NUP210L: variants seen among roughly 807,000 people sequenced by gnomAD.
The protein encoded by NUP210L is nuclear pore membrane glycoprotein 210-like.
In NUP210L, 74 loss-of-function variants were observed where a neutral mutation model predicts 208.5. The ratio of observed to expected loss-of-function variants is 0.35; its 90% confidence interval spans 0.29 to 0.43. The LOEUF (loss-of-function observed/expected upper bound fraction) is 0.43. Among genes scored for constraint, NUP210L ranks in the 20% least tolerant of loss-of-function variants. The pLI is 1.00. For missense variants in NUP210L, 1,843 were observed against 2,289.4 expected (o/e 0.81, Z 3.98); for synonymous variants, 780 against 816.9 (o/e 0.95, Z 0.77).
At chr1:154,035,900 A>AT (rs1183945166) in intron 27 of NUP210L, among the ~76,000 whole-genome samples, 2 of 151,296 alleles carry the variant, frequency 1.3e-5, no homozygotes, top group African/African-American at 2.4e-5. Context: ...CGCCTGGCTA[A>AT]TTTTTTGTAT....
intron 2 of NUP210L, among the ~76,000 whole-genome samples, chr1:154,152,274 G>A (rs1024237113): frequency 2.0e-5 from 3 of 151,138 alleles, no homozygotes; most frequent in Non-Finnish European, 4.4e-5. Context: ...GGGTTCAAGC[G>A]ATTCTCCTGC....
chr1:154,085,913 TA>T, intron 16 of NUP210L, among the ~76,000 whole-genome samples: 1 of 151,668 alleles, frequency 6.6e-6, no homozygotes, highest in South Asian at 2.1e-4. Context: ...TACCAACATG[TA>T]AAAAAAATGA....
rs185666089 is a variant in NUP210L, at chr1:154,073,671, C to T, written c.2362-3206G>A. Reference sequence around the variant, plus strand: ...CTCTACTAAAAACACAAAAATTAGCCGGGCATGGTGGTGCATGCCTGTAGT... The same window carrying T: ...CTCTACTAAAAACACAAAAATTAGCTGGGCATGGTGGTGCATGCCTGTAGT... On this transcript the variant is annotated intron_variant, in intron 16 of 39. Transcript: ENST00000368559. Among the ~76,000 whole-genome samples the T allele has an allele frequency of 9.4e-4, 142 of 151,748 alleles. 1 individual carries two copies. The highest frequency in any genetic ancestry group is 3.2e-3 in the African/African-American group (134 of 41,356).
chr1:154,028,747 CT>C (rs1277129050), intron 28 of NUP210L, among the ~76,000 whole-genome samples: 11 of 151,078 alleles, frequency 7.3e-5, no homozygotes, highest in Non-Finnish European at 1.2e-4. Flanking sequence ...AGTTTCTTTT[CT>C]TTTTTTTTCC....
rs756244115 is a variant in NUP210L, at chr1:154,019,120, C to T, written c.4517-51G>A. The T allele has an allele frequency of 6.3e-6, 10 of 1,590,404 alleles. No homozygotes were observed. In the South Asian group the frequency reaches 1.1e-4, roughly 18 times the overall value. Reference sequence around the variant, plus strand: ...TGGCTGAAGCCTTTGATATAAATCACTCTGGACTTATTCATACTCCAAATC... The same window carrying T: ...TGGCTGAAGCCTTTGATATAAATCATTCTGGACTTATTCATACTCCAAATC... On this transcript the variant is annotated intron_variant, in intron 32 of 39. Transcript: ENST00000368559.
At chr1:154,153,846 A>G (rs1427345728) in intron 1 of NUP210L, among the ~76,000 whole-genome samples, 1 of 152,230 alleles carries the variant, frequency 6.6e-6, no homozygotes, top group African/African-American at 2.4e-5. Flanking sequence ...ACACTGGATC[A>G]TCTTACAAGC....
chr1:154,133,546 A>G (rs186626346), intron 7 of NUP210L, among the ~76,000 whole-genome samples: 268 of 151,998 alleles, frequency 1.8e-3, no homozygotes, highest in African/African-American at 6.2e-3. Flanking sequence ...CTAAAAAAAA[A>G]AAAAAAAATC....
chr1:153,999,935 C>T (rs181785359), intron 37 of NUP210L, among the ~76,000 whole-genome samples: 289 of 151,756 alleles, frequency 1.9e-3, no homozygotes, highest in African/African-American at 6.8e-3. Context: ...AGCAATCCTC[C>T]TGCCTCAGCC....
intron 9 of NUP210L, 52 bp from the exon 10 acceptor site, chr1:154,126,515 A>G (rs760732649): frequency 6.8e-7 from 1 of 1,480,732 alleles, no homozygotes; most frequent in Non-Finnish European, 9.1e-7. Context: ...TCTTTCCCTG[A>G]AGTCATCTTA....
In NUP210L at chr1:154,056,806, T is replaced by C. The variant is rs1425180863; in HGVS notation, c.3240+9A>G. 8 of 1,554,460 alleles carry C rather than the reference T, an allele frequency of 5.1e-6. No homozygotes were observed. Among genetic ancestry groups the C allele is most frequent in the Non-Finnish European group, 6.9e-6 (8 of 1,157,950 alleles). On this transcript the variant is annotated intron_variant, in intron 23 of 39. Coordinates refer to ENST00000368559, the Ensembl canonical transcript of NUP210L. ...AAAGTACAAATTTTGGATGAGATAA[T>C]TTCCTTACTTCAATGTGCCGAGGAG... is the stretch of plus-strand genomic sequence containing the variant.
At chr1:154,065,003 G>T (rs1654325253) in intron 17 of NUP210L, among the ~76,000 whole-genome samples, 1 of 151,870 alleles carries the variant, frequency 6.6e-6, no homozygotes, top group Non-Finnish European at 1.5e-5. Context: ...TTGAAACCGG[G>T]AGGTAGAGGT....
intron 37 of NUP210L, 65 bp downstream of exon 37, chr1:154,000,791 A>G: frequency 7.2e-7 from 1 of 1,379,660 alleles, no homozygotes; most frequent in Non-Finnish European, 1.0e-6. Context: ...GATGGGGGGT[A>G]CTAATGTAAT....
chr1:154,091,661 C>T (rs191989105), intron 15 of NUP210L, among the ~76,000 whole-genome samples: 252 of 151,462 alleles, frequency 1.7e-3, no homozygotes, highest in African/African-American at 4.6e-3. Context: ...CCACCACGTC[C>T]GGCTAATTTT....
intron 2 of NUP210L, among the ~76,000 whole-genome samples, chr1:154,149,087 C>CTTTT (rs770217261): frequency 0.011 from 1,261 of 119,346 alleles, 35 homozygotes; most frequent in African/African-American, 0.03. Context: ...GAAAACTTCT[C>CTTTT]TTTTTTTTTT....
At chr1:154,145,613 A>G (rs1659078381) in intron 2 of NUP210L, among the ~76,000 whole-genome samples, 1 of 152,236 alleles carries the variant, frequency 6.6e-6, no homozygotes, top group Non-Finnish European at 1.5e-5. Flanking sequence ...ACAGAATTGA[A>G]CAAATAAGTA....
chr1:154,038,707 T>TGAGCTCAA (rs546987108), intron 27 of NUP210L, among the ~76,000 whole-genome samples: 80 of 152,232 alleles, frequency 5.3e-4, no homozygotes, highest in African/African-American at 1.8e-3. Context: ...GCAATCCACC[T>TGAGCTCAA]GCCTCAACCT....
intron 10 of NUP210L, among the ~76,000 whole-genome samples, chr1:154,121,864 C>CA (rs1247137861): frequency 5.5e-4 from 71 of 128,110 alleles, no homozygotes; most frequent in Admixed American, 1.3e-3. Context: ...GACTCCATCT[C>CA]AAAAAAAAAA....
chr1:154,073,028 A>G (rs1233755820), intron 16 of NUP210L, among the ~76,000 whole-genome samples: 3 of 152,264 alleles, frequency 2.0e-5, no homozygotes, highest in Admixed American at 6.5e-5. Context: ...TACATCTGAC[A>G]AAGAACTAAT....
At chr1:154,080,316 T>G (rs1655253782) in intron 16 of NUP210L, among the ~76,000 whole-genome samples, 1 of 147,188 alleles carries the variant, frequency 6.8e-6, no homozygotes, top group South Asian at 2.1e-4. Context: ...ACCAAGATCA[T>G]GCCATTGCAC....
Sources: gnomAD v4.1 joint callset for allele counts (sites outside exome capture counted in the v4.1 genomes callset) on GRCh38, gnomAD v4.1.1 for gene constraint, MANE v1.5 for transcripts, NCBI Gene and HGNC (gene_info 2026-07-23, HGNC 2026-07-21) for gene names.